The following LRRIQ1 variants were observed in gnomAD, a reference collection of about 807,000 sequenced individuals.
LRRIQ1 encodes the protein leucine-rich repeat- and IQ domain-containing protein 1.
Under a neutral mutation model 211.9 loss-of-function variants are expected in LRRIQ1, and 210 were observed. That is an observed-to-expected ratio of 0.99 (90% confidence interval 0.89 to 1.11). The LOEUF is 1.11. Among genes scored for constraint, LRRIQ1 ranks in the 50% most tolerant of loss-of-function variants. The pLI is 0.00. For synonymous variants in LRRIQ1, 699 were observed against 650.1 expected, an observed-to-expected ratio of 1.08 and a Z score of -1.14; for missense variants, 2,136 against 1,939.5, an observed-to-expected ratio of 1.10 and a Z score of -1.90.
rs973970767 is a variant in LRRIQ1 at position 85,192,252 on chromosome 12, G to C, written c.4822+31538G>C. ...AGCTGCCACTTATACATGAGAACAAGTGGTATTTCATTTTCTGTTCCTGTG... is the reference window on the plus strand; with the variant it reads ...AGCTGCCACTTATACATGAGAACAACTGGTATTTCATTTTCTGTTCCTGTG... On this transcript the variant is annotated intron_variant, in intron 24 of 26. Transcript: ENST00000393217. Among the ~76,000 whole-genome samples, 3 of 150,332 alleles carry C rather than the reference G, an allele frequency of 2.0e-5. No homozygotes were observed. In the Admixed American group the frequency reaches 2.0e-4, roughly 10 times the overall value.
intron 19 of LRRIQ1, among the ~76,000 whole-genome samples, chr12:85,141,084 A>G (rs1212823782): frequency 6.6e-6 from 1 of 151,120 alleles, no homozygotes; most frequent in Non-Finnish European, 1.5e-5. Context: ...GGCCTTATAC[A>G]TTTTGTTGGG....
chr12:85,102,959 A>ATATATATATATATATATATAT (rs1555207753), intron 13 of LRRIQ1, among the ~76,000 whole-genome samples: 1 of 108,464 alleles, frequency 9.2e-6, no homozygotes, highest in African/African-American at 4.2e-5. Context: ...AAAAAAAAAA[A>ATATATATATATATATATATAT]ATATATATAT....
intron 3 of LRRIQ1, among the ~76,000 whole-genome samples, chr12:85,042,658 G>A (rs1367721149): frequency 1.3e-5 from 2 of 149,910 alleles, no homozygotes; most frequent in South Asian, 2.1e-4. Flanking sequence ...TTGTTACACG[G>A]GATGATAGTT....
intron 19 of LRRIQ1, among the ~76,000 whole-genome samples, chr12:85,143,771 A>T (rs922615303): frequency 6.6e-6 from 1 of 151,614 alleles, no homozygotes; most frequent in African/African-American, 2.4e-5. Flanking sequence ...CATAATAAGT[A>T]TGGTATTTTC....
Position 85,137,922 on chromosome 12 carries a change from G to C in LRRIQ1, c.4282G>C (p.Asp1428His), listed in dbSNP as rs780129357. Residue 1428 changes from aspartate to histidine, a missense_variant, in exon 19 of 27, where the codon GAT becomes CAT. By Grantham distance (81) the Asp-to-His change is moderately conservative (BLOSUM62 -1). Transcript: ENST00000393217. ...ALEAIKNEES[D>H]EEYREIDLED... ...AGAGGCTATTAAGAATGAAGAATCC[G>C]ATGAAGAATACAGAGAAATAGATTT... 2.3e-5 allele frequency: 35 copies of C among 1,533,844 alleles called. No individual in the cohort carries two copies. The highest frequency in any genetic ancestry group is 3.1e-5 in the Non-Finnish European group (34 of 1,112,148).
At chr12:85,227,079 T>C (rs941668323) in intron 24 of LRRIQ1, among the ~76,000 whole-genome samples, 1 of 150,244 alleles carries the variant, frequency 6.7e-6, no homozygotes, top group Non-Finnish European at 1.5e-5. Context: ...GTATTTCAAA[T>C]GGTATTTCTA....
In LRRIQ1 at chr12:85,186,752, A is replaced by G. The variant is rs141074260; in HGVS notation, c.4822+26038A>G. Among the ~76,000 whole-genome samples, 941 of 152,120 alleles carry G rather than the reference A, an allele frequency of 6.2e-3. 7 individuals carry two copies. The highest frequency in any genetic ancestry group is 0.022 in the African/African-American group (907 of 41,526). On this transcript the variant is annotated intron_variant, in intron 24 of 26. Transcript: ENST00000393217. Reference sequence around the variant, plus strand: ...GTTTATTGTCTTAGAGCATTGTTTTATATGTATGTAACAATTTCTCACCCA... The same window carrying G: ...GTTTATTGTCTTAGAGCATTGTTTTGTATGTATGTAACAATTTCTCACCCA...
At chr12:85,220,356 T>G (rs574627284) in intron 24 of LRRIQ1, among the ~76,000 whole-genome samples, 1 of 152,214 alleles carries the variant, frequency 6.6e-6, no homozygotes, top group Non-Finnish European at 1.5e-5. Context: ...TAATTGAATC[T>G]TAATCTCCCT....
intron 24 of LRRIQ1, chr12:85,162,795 C>A (rs1890956238): frequency 2.2e-6 from 1 of 455,748 alleles, no homozygotes; most frequent in Non-Finnish European, 4.4e-6. Context: ...CTTTTGGAAC[C>A]AGGTAAAGTA....
chr12:85,170,234 T>A (rs2136803199), intron 24 of LRRIQ1, among the ~76,000 whole-genome samples: 1 of 147,644 alleles, frequency 6.8e-6, no homozygotes, highest in Admixed American at 6.8e-5. Flanking sequence ...TTGTGTTCTA[T>A]TCCAAAGTAT....
chr12:85,180,009 A>G (rs1891899633), intron 24 of LRRIQ1, among the ~76,000 whole-genome samples: 1 of 151,954 alleles, frequency 6.6e-6, no homozygotes, highest in Non-Finnish European at 1.5e-5. Flanking sequence ...AACATTTCTG[A>G]CTTAAAAAAA....
At chr12:85,243,812 T>C (rs779840063) in intron 26 of LRRIQ1, among the ~76,000 whole-genome samples, 10 of 151,630 alleles carry the variant, frequency 6.6e-5, no homozygotes, top group Non-Finnish European at 1.3e-4. Flanking sequence ...GGCAAATATC[T>C]GAATTTTAAA....
chr12:85,148,320 G>A (rs1274851316), intron 19 of LRRIQ1, among the ~76,000 whole-genome samples: 1 of 151,602 alleles, frequency 6.6e-6, no homozygotes, highest in African/African-American at 2.4e-5. Context: ...CCACCAACAG[G>A]CCCTGATGTG....
chr12:85,179,820 C>T (rs1269065576), intron 24 of LRRIQ1, among the ~76,000 whole-genome samples: 1 of 151,884 alleles, frequency 6.6e-6, no homozygotes, highest in African/African-American at 2.4e-5. Context: ...AGGCCTTTGT[C>T]CATGTCTCTG....
chr12:85,072,868 G>C, intron 10 of LRRIQ1, 39 bp from the exon 11 acceptor site: 1 of 1,439,776 alleles, frequency 6.9e-7, no homozygotes, highest in South Asian at 1.3e-5. Flanking sequence ...TTATTAATTC[G>C]TCTTATATAT....
At chr12:85,157,481 ATTTG>A (rs144030593) in intron 23 of LRRIQ1, among the ~76,000 whole-genome samples, 1 of 151,708 alleles carries the variant, frequency 6.6e-6, no homozygotes, top group Admixed American at 6.6e-5. Context: ...TCTGGGTTTT[ATTTG>A]TTTGTTTGTT....
chr12:85,221,011 C>T (rs1363224389), intron 24 of LRRIQ1, among the ~76,000 whole-genome samples: 1 of 151,774 alleles, frequency 6.6e-6, no homozygotes, highest in African/African-American at 2.4e-5. Flanking sequence ...GGGGTTTCAC[C>T]ATGCTGGCCA....
intron 23 of LRRIQ1, among the ~76,000 whole-genome samples, chr12:85,156,858 T>A (rs1245693461): frequency 1.3e-5 from 2 of 151,780 alleles, no homozygotes; most frequent in African/African-American, 4.8e-5. Context: ...AAACAATTAA[T>A]TAATGTAATA....
At chr12:85,197,968 A>T (rs1270455358) in intron 24 of LRRIQ1, among the ~76,000 whole-genome samples, 2 of 108,562 alleles carry the variant, frequency 1.8e-5, no homozygotes, top group Non-Finnish European at 1.7e-5. Flanking sequence ...TATTATATAT[A>T]AATATATATA....
Sources: gnomAD v4.1 joint callset for allele counts (sites outside exome capture counted in the v4.1 genomes callset) on GRCh38, gnomAD v4.1.1 for gene constraint, MANE v1.5 for transcripts, NCBI Gene and HGNC (gene_info 2026-07-23, HGNC 2026-07-21) for gene names.